Variants in PI4KA observed in about 807,000 individuals in gnomAD.
PI4KA encodes PI4-kinase alpha.
Under a neutral mutation model 271.4 loss-of-function variants are expected in PI4KA, and 122 were observed. That is an observed-to-expected ratio of 0.45 (90% CI 0.39 to 0.52). PI4KA has a LOEUF of 0.52. PI4KA is among the 20% of genes least tolerant of loss of function. The pLI is 0.00. For missense variants in PI4KA, 1,969 were observed against 2,769.1 expected, an observed-to-expected ratio of 0.71 and a Z score of 6.48; for synonymous variants, 1,041 against 1,078.8, an observed-to-expected ratio of 0.96 and a Z score of 0.69.
chr22:20,858,164 G>A (rs149525006), intron 1 of PI4KA, among the ~76,000 whole-genome samples: 135 of 152,294 alleles, frequency 8.9e-4, no homozygotes, highest in African/African-American at 3.2e-3. Context: ...CCAAGGTCGC[G>A]GAATAAAAAG....
At position 20,804,959 on chromosome 22, in the gene PI4KA, G is replaced by C. The variant is rs1347570902; in HGVS notation, c.1360+15C>G. The C allele has an allele frequency of 1.3e-6, 2 of 1,595,682 alleles. No homozygotes were observed. Among genetic ancestry groups the C allele is most frequent in the Non-Finnish European group, 1.7e-6 (2 of 1,167,438 alleles). On this transcript the variant is annotated intron_variant, in intron 11 of 54. Coordinates refer to ENST00000255882, the MANE Select transcript of PI4KA (RefSeq NM_058004.4). ...TGCCTGGAGCTCACATGAGAGGCAA[G>C]GCAGTCTGTCTCACCCTGCTCGTCC...
intron 6 of PI4KA, among the ~76,000 whole-genome samples, chr22:20,819,177 C>T (rs1922242361): frequency 1.3e-5 from 2 of 152,088 alleles, no homozygotes; most frequent in East Asian, 1.9e-4. Flanking sequence ...TCTATAGTAG[C>T]GGCAGTTTAA....
chr22:20,843,680 C>T (rs1478453534), intron 1 of PI4KA, among the ~76,000 whole-genome samples: 1 of 152,172 alleles, frequency 6.6e-6, no homozygotes, highest in East Asian at 1.9e-4. Flanking sequence ...CACTTTCAGG[C>T]AGGCCATGTG....
intron 19 of PI4KA, among the ~76,000 whole-genome samples, chr22:20,774,897 G>C (rs1207953028): frequency 4.6e-5 from 7 of 152,054 alleles, no homozygotes; most frequent in African/African-American, 1.2e-4. Flanking sequence ...CACACACACA[G>C]ATAATGACAG....
At chr22:20,775,878 GCTTA>G (rs1326785639) in intron 19 of PI4KA, among the ~76,000 whole-genome samples, 2 of 152,252 alleles carry the variant, frequency 1.3e-5, no homozygotes, top group East Asian at 3.9e-4. Context: ...TCTACCAGCT[GCTTA>G]CTTTCTTTGT....
At chr22:20,744,537 G>T in intron 30 of PI4KA, 91 bp downstream of exon 30, 1 of 832,722 alleles carries the variant, frequency 1.2e-6, no homozygotes, top group Non-Finnish European at 2.0e-6. Context: ...TCACCGGGAC[G>T]CTTTGTTCAT....
intron 19 of PI4KA, among the ~76,000 whole-genome samples, chr22:20,768,947 T>C (rs1273977376): frequency 6.6e-6 from 1 of 152,134 alleles, no homozygotes; most frequent in Non-Finnish European, 1.5e-5. Flanking sequence ...GGACTGACTG[T>C]CTCTGAAGTG....
intron 8 of PI4KA, among the ~76,000 whole-genome samples, chr22:20,812,109 G>C (rs2147655319): frequency 6.6e-6 from 1 of 151,714 alleles, no homozygotes; most frequent in South Asian, 2.1e-4. Flanking sequence ...ATGTGAAACA[G>C]TCAGTCTTCA....
intron 19 of PI4KA, among the ~76,000 whole-genome samples, chr22:20,771,070 ACCTTG>A (rs1932851609): frequency 6.6e-6 from 1 of 152,010 alleles, no homozygotes; most frequent in Admixed American, 6.6e-5. Context: ...CATAAGACAA[ACCTTG>A]AAACTGCAAA....
At chr22:20,727,553 G>GT (rs1927511441) in intron 40 of PI4KA, 156 bp from the exon 41 acceptor site, 1 of 741,560 alleles carries the variant, frequency 1.3e-6, no homozygotes, top group South Asian at 1.9e-5. Context: ...GGAAAACAAC[G>GT]TAACTGCAAT....
At chr22:20,814,833 T>A (rs1601555799) in intron 7 of PI4KA, among the ~76,000 whole-genome samples, 1 of 147,442 alleles carries the variant, frequency 6.8e-6, no homozygotes, top group Non-Finnish European at 1.5e-5. Context: ...TCAACAAAAA[T>A]AAAGTCATTC....
At chr22:20,711,313 G>C (rs1601306058) in intron 51 of PI4KA, 28 bp downstream of exon 51, 1 of 1,345,222 alleles carries the variant, frequency 7.4e-7, no homozygotes, top group Admixed American at 2.1e-5. Flanking sequence ...GGTGAAGGGA[G>C]AGGAGGGTGG....
At chr22:20,849,148 C>A (rs1310810340) in intron 1 of PI4KA, among the ~76,000 whole-genome samples, 1 of 152,120 alleles carries the variant, frequency 6.6e-6, no homozygotes, top group Non-Finnish European at 1.5e-5. Flanking sequence ...TAATAAGATC[C>A]CACTTCACAT....
At position 20,858,377 on chromosome 22, in the gene PI4KA, G is replaced by A. The variant is rs567673397; in HGVS notation, c.156+193C>T. On this transcript the variant is annotated intron_variant, in intron 1 of 54. Transcript: ENST00000255882. ...CAGGCCCCGCCGACCCTTCCCCCAC[G>A]GTCCCTCTCTCTTCACCAGCCCCTC... is the stretch of plus-strand genomic sequence containing the variant. 3.2e-3 allele frequency among the ~76,000 whole-genome samples: 338 copies of A among 105,144 alleles called. 1 individual carries two copies. Among genetic ancestry groups the A allele is most frequent in the African/African-American group, 0.013 (323 of 25,258 alleles). The allele number at this position is 105,144 out of a possible 152,430, so 69.0% of individuals were successfully genotyped here.
At chr22:20,715,075 CTTT>C (rs745965775) in intron 45 of PI4KA, among the ~76,000 whole-genome samples, 3 of 144,086 alleles carry the variant, frequency 2.1e-5, no homozygotes, top group Admixed American at 7.0e-5. Context: ...TCTTGGAGTC[CTTT>C]TTTTTTTTTT....
At chr22:20,781,748 C>T (rs1388507941) in intron 19 of PI4KA, among the ~76,000 whole-genome samples, 1 of 152,232 alleles carries the variant, frequency 6.6e-6, no homozygotes, top group Non-Finnish European at 1.5e-5. Flanking sequence ...ACACACATAT[C>T]CTTTTCATTA....
chr22:20,751,625 G>T, intron 26 of PI4KA, 49 bp downstream of exon 26: 2 of 1,457,344 alleles, frequency 1.4e-6, no homozygotes, highest in Non-Finnish European at 1.9e-6. Context: ...CGGCGGGGTG[G>T]TGGTAGAGCG....
Position 20,799,341 on chromosome 22 carries a change from C to A in PI4KA, c.1821-65G>T, listed in dbSNP as rs1051201934. The stretch of plus-strand genomic sequence containing the variant: ...TCCAGCATGCAGTAGTGAAACAGTA[C>A]CCAGAGACTACGATCTAGACCTTAA... On this transcript the variant is annotated intron_variant, in intron 15 of 54. Transcript: ENST00000255882. 9.5e-6 allele frequency: 13 copies of A among 1,374,336 alleles called. No homozygotes were observed. The East Asian group carries it at 1.9e-4, about 20-fold the overall frequency. 85.1% of individuals were successfully genotyped at this position (1,374,336 alleles called of 1,614,324 possible).
At chr22:20,710,134 A>C (rs1292043662) in intron 52 of PI4KA, 137 bp from the exon 53 acceptor site, 28 of 679,788 alleles carry the variant, frequency 4.1e-5, no homozygotes, top group East Asian at 2.7e-4. Context: ...CATCTTGCAC[A>C]TCCCCGAGGC....
Sources: gnomAD v4.1 joint callset for allele counts (sites outside exome capture counted in the v4.1 genomes callset) on GRCh38, gnomAD v4.1.1 for gene constraint, MANE v1.5 for transcripts, NCBI Gene and HGNC (gene_info 2026-07-23, HGNC 2026-07-21) for gene names.